Variants in TRDN observed in about 807,000 individuals in gnomAD.
TRDN encodes triadin.
A neutral mutation model predicts 149.7 loss-of-function variants in TRDN; 161 were observed. That is an observed-to-expected ratio of 1.08 (90% confidence interval 0.95 to 1.23). TRDN has a LOEUF of 1.23. TRDN is among the 50% of genes most tolerant of loss of function. TRDN has a pLI of 0.00. For missense variants in TRDN, 896 were observed against 823.5 expected (o/e 1.09, Z -1.08); for synonymous variants, 294 against 250.5 (o/e 1.17, Z -1.64).
At chr6:123,496,087 TTAATATA>T (rs887544805) in intron 9 of TRDN, among the ~76,000 whole-genome samples, 6 of 146,932 alleles carry the variant, frequency 4.1e-5, no homozygotes, top group Non-Finnish European at 7.5e-5. Context: ...ATATAATATA[TTAATATA>T]TAATATATAT....
At chr6:123,225,658 AAT>A (rs796303728) in intron 38 of TRDN, among the ~76,000 whole-genome samples, 1 of 151,602 alleles carries the variant, frequency 6.6e-6, no homozygotes, top group African/African-American at 2.4e-5. Flanking sequence ...TTGTATATCA[AAT>A]ATATATATAA....
At chr6:123,603,168 C>T (rs1259664900) in intron 1 of TRDN, among the ~76,000 whole-genome samples, 1 of 38,640 alleles carries the variant, frequency 2.6e-5, no homozygotes. Context: ...TCTGTGTACA[C>T]ATAATCTAAA....
At chr6:123,616,132 C>G (rs1429378154) in intron 1 of TRDN, among the ~76,000 whole-genome samples, 2 of 152,118 alleles carry the variant, frequency 1.3e-5, no homozygotes, top group Non-Finnish European at 2.9e-5. Flanking sequence ...AGGAGGATCA[C>G]TTGAGGCTAG....
At chr6:123,379,174 A>G (rs1781621486) in intron 16 of TRDN, among the ~76,000 whole-genome samples, 1 of 152,208 alleles carries the variant, frequency 6.6e-6, no homozygotes, top group Admixed American at 6.5e-5. Flanking sequence ...AAAGAACTCT[A>G]CAAACTATAT....
Position 123,316,514 on chromosome 6 carries a change from A to G in TRDN, c.1472-19T>C. 3 of 1,608,980 alleles carry G rather than the reference A, an allele frequency of 1.9e-6. No homozygotes were observed. The highest frequency in any genetic ancestry group is 2.5e-6 in the Non-Finnish European group (3 of 1,176,598). On this transcript the variant is annotated intron_variant, in intron 23 of 40. Coordinates refer to ENST00000334268, the MANE Select transcript of TRDN (RefSeq NM_006073.4). Reference sequence around the variant, plus strand: ...TCAGGTTCTGGGGCAAAACGTACACATAAACACGTACAAACAAAAGGGAAA... The same window carrying G: ...TCAGGTTCTGGGGCAAAACGTACACGTAAACACGTACAAACAAAAGGGAAA...
chr6:123,278,396 A>G (rs760275511), intron 25 of TRDN, 49 bp from the exon 26 acceptor site: 45 of 1,100,444 alleles, frequency 4.1e-5, no homozygotes, highest in South Asian at 3.4e-4. Context: ...AAAGATATTC[A>G]TTTCCTATAT....
At chr6:123,316,408 A>G (rs1370213489) in intron 24 of TRDN, 49 bp downstream of exon 24, 8 of 1,565,764 alleles carry the variant, frequency 5.1e-6, no homozygotes, top group Non-Finnish European at 7.0e-6. Context: ...GCTTTCTTCC[A>G]ACCAAACAGA....
At chr6:123,275,550 C>T (rs544889426) in intron 26 of TRDN, among the ~76,000 whole-genome samples, 8 of 152,230 alleles carry the variant, frequency 5.3e-5, no homozygotes, top group African/African-American at 1.9e-4. Flanking sequence ...TTAAGCAACA[C>T]AATTTGTGAT....
chr6:123,401,500 T>C (rs1772971764), intron 12 of TRDN, among the ~76,000 whole-genome samples: 1 of 152,206 alleles, frequency 6.6e-6, no homozygotes, highest in Non-Finnish European at 1.5e-5. Flanking sequence ...CATGAGTGCT[T>C]ACTGGGAATA....
intron 26 of TRDN, among the ~76,000 whole-genome samples, chr6:123,277,612 G>T (rs914085669): frequency 4.6e-5 from 7 of 152,132 alleles, no homozygotes; most frequent in Non-Finnish European, 1.0e-4. Flanking sequence ...GATGATGGAG[G>T]CAGAGTTTGA....
At chr6:123,532,479 C>G (rs1583199848) in intron 4 of TRDN, among the ~76,000 whole-genome samples, 1 of 152,056 alleles carries the variant, frequency 6.6e-6, no homozygotes, top group Admixed American at 6.6e-5. Context: ...AAAAACAGGC[C>G]TGAGATTGCC....
At chr6:123,426,009 G>C (rs1221673595) in intron 12 of TRDN, among the ~76,000 whole-genome samples, 1 of 152,094 alleles carries the variant, frequency 6.6e-6, no homozygotes, top group African/African-American at 2.4e-5. Flanking sequence ...TTGCAGAGGA[G>C]AGAATTGCAG....
At chr6:123,513,513 T>C (rs1012693510) in intron 6 of TRDN, among the ~76,000 whole-genome samples, 3 of 152,096 alleles carry the variant, frequency 2.0e-5, no homozygotes, top group Admixed American at 6.6e-5. Context: ...GATTATTTCA[T>C]TGAGTCAGAA....
chr6:123,239,438 C>G (rs1775907711), intron 38 of TRDN, among the ~76,000 whole-genome samples: 1 of 152,036 alleles, frequency 6.6e-6, no homozygotes, highest in Non-Finnish European at 1.5e-5. Context: ...TGCTTTCAAC[C>G]ATTAGCAAAG....
chr6:123,234,773 A>G (rs1775725907), intron 38 of TRDN, among the ~76,000 whole-genome samples: 1 of 152,204 alleles, frequency 6.6e-6, no homozygotes, highest in Admixed American at 6.6e-5. Context: ...ATCTTCAAAT[A>G]GAATTGACCC....
chr6:123,257,976 A>T (rs546121544), intron 35 of TRDN, among the ~76,000 whole-genome samples: 67 of 152,238 alleles, frequency 4.4e-4, no homozygotes, highest in African/African-American at 1.5e-3. Flanking sequence ...ATTTTTGCAC[A>T]TTGATTTTGT....
At chr6:123,314,663 A>G (rs1361906642) in intron 24 of TRDN, among the ~76,000 whole-genome samples, 1 of 152,084 alleles carries the variant, frequency 6.6e-6, no homozygotes, top group Non-Finnish European at 1.5e-5. Context: ...TTATGCAGTC[A>G]TGAAAAAGAA....
intron 18 of TRDN, among the ~76,000 whole-genome samples, chr6:123,376,058 G>C (rs909920403): frequency 3.9e-5 from 6 of 152,050 alleles, no homozygotes; most frequent in African/African-American, 1.4e-4. Context: ...CTGCTAAGTT[G>C]CTGCATTGTA....
chr6:123,522,380 C>T (rs1177187617), intron 5 of TRDN, among the ~76,000 whole-genome samples: 1 of 151,706 alleles, frequency 6.6e-6, no homozygotes, highest in Admixed American at 6.6e-5. Context: ...CTAATATCAC[C>T]AATAAAATTC....
Sources: allele counts gnomAD v4.1 joint callset (sites outside exome capture counted in the v4.1 genomes callset), GRCh38; gene constraint gnomAD v4.1.1; transcripts MANE v1.5; gene names NCBI Gene and HGNC (gene_info 2026-07-23, HGNC 2026-07-21).